The following KIF3B variants were observed in gnomAD, a reference collection of about 807,000 sequenced individuals.
KIF3B encodes the protein kinesin family member 3B, also known as kinesin-like protein KIF3B.
KIF3B carries 38 observed loss-of-function variants against 74.3 expected under a neutral mutation model. That is an observed-to-expected ratio of 0.51 (90% CI 0.39 to 0.67). The LOEUF (loss-of-function observed/expected upper bound fraction) is 0.67, where lower values mean the gene tolerates loss of function less well. KIF3B is among the 30% of genes least tolerant of loss of function. The pLI is 0.00. For missense variants in KIF3B, 649 were observed against 932.0 expected, an observed-to-expected ratio of 0.70 and a Z score of 3.95; for synonymous variants, 326 against 342.5, an observed-to-expected ratio of 0.95 and a Z score of 0.53.
chr20:32,288,254 C>T (rs2047676103), intron 1 of KIF3B, among the ~76,000 whole-genome samples: 1 of 151,934 alleles, frequency 6.6e-6, no homozygotes, highest in South Asian at 2.1e-4. Flanking sequence ...TTTGGGAGGC[C>T]TAAGTGGGAA....
At chr20:32,291,700 C>T (rs1239159785) in intron 1 of KIF3B, among the ~76,000 whole-genome samples, 4 of 150,934 alleles carry the variant, frequency 2.7e-5, no homozygotes, top group Non-Finnish European at 5.9e-5. Flanking sequence ...ACTGCAATCT[C>T]TGCCTCCCGG....
intron 1 of KIF3B, among the ~76,000 whole-genome samples, chr20:32,292,113 T>A (rs1013766234): frequency 3.3e-5 from 5 of 151,586 alleles, no homozygotes; most frequent in African/African-American, 9.7e-5. Flanking sequence ...TTTTTAAAAA[T>A]TTTTTTGTAG....
Sources: allele counts gnomAD v4.1 joint callset (sites outside exome capture counted in the v4.1 genomes callset), GRCh38; gene constraint gnomAD v4.1.1; transcripts MANE v1.5; gene names NCBI Gene and HGNC (gene_info 2026-07-23, HGNC 2026-07-21).